LMTK2: variants seen among roughly 807,000 people sequenced by gnomAD.
The protein encoded by LMTK2 is lemur tail kinase 2.
A neutral mutation model predicts 127.5 loss-of-function variants in LMTK2; 37 were observed. The observed-to-expected ratio is 0.29, with a 90% CI of 0.22 to 0.38. The LOEUF (loss-of-function observed/expected upper bound fraction) is 0.38, where lower values mean the gene tolerates loss of function less well. Ranked by LOEUF, LMTK2 falls within the 10% of genes least tolerant of loss-of-function variation. The pLI is 1.00. For synonymous variants in LMTK2, 819 were observed against 810.1 expected, an observed-to-expected ratio of 1.01 and a Z score of -0.19; for missense variants, 1,694 against 1,920.3, an observed-to-expected ratio of 0.88 and a Z score of 2.20.
chr7:98,172,901 G>A (rs988754264), intron 7 of LMTK2, among the ~76,000 whole-genome samples: 1 of 152,156 alleles, frequency 6.6e-6, no homozygotes, highest in East Asian at 1.9e-4. Context: ...GGGGCTACAG[G>A]CACTTGCCAC....
rs1274419798 is a variant in LMTK2, at chr7:98,193,599, A to C, written c.3134A>C (p.His1045Pro). 3 of 1,613,886 alleles carry C rather than the reference A, an allele frequency of 1.9e-6. No individual in the cohort carries two copies. Among genetic ancestry groups the C allele is most frequent in the Non-Finnish European group, 1.7e-6 (2 of 1,180,028 alleles). Reference sequence around the variant, plus strand: ...TTGGAGTCTCCCGAGTGGACCTTGCATCCCGCTCCCGAGGGCACCGCAGAC... The same window carrying C: ...TTGGAGTCTCCCGAGTGGACCTTGCCTCCCGCTCCCGAGGGCACCGCAGAC... ...ENLESPEWTL[H>P]PAPEGTADSE... Residue 1045 changes from histidine to proline, a missense_variant, in exon 11 of 14, where the codon CAT (histidine) becomes CCT (proline). Transcript: ENST00000297293. This position sits in a 1 kb window ranked among gnomAD's most constrained non-coding sequence, Gnocchi z 4.1.
chr7:98,171,171 G>T lies in LMTK2; in HGVS notation c.658-370G>T, dbSNP rs150895589. ...GCGCTCACTGCCCAGGGGCCGCCTG[G>T]AGTCCATAGAACAGGCAGTGTGAGT... On this transcript the variant is annotated intron_variant, in intron 6 of 13. Coordinates refer to ENST00000297293, the MANE Select transcript of LMTK2 (RefSeq NM_014916.4). This position sits in a 1 kb window ranked among gnomAD's most constrained non-coding sequence, Gnocchi z 5.1. Among the ~76,000 whole-genome samples, 429 of 152,248 alleles carry T rather than the reference G, an allele frequency of 2.8e-3. 1 individual carries two copies. The highest frequency in any genetic ancestry group is 0.01 in the Middle Eastern group (3 of 294).
At chr7:98,128,371 G>A (rs1385176698) in intron 1 of LMTK2, among the ~76,000 whole-genome samples, 6 of 152,064 alleles carry the variant, frequency 3.9e-5, no homozygotes, top group Non-Finnish European at 7.4e-5. Context: ...GGATGCACAC[G>A]GAAGAAAGCC....
At position 98,206,761 on chromosome 7, in the gene LMTK2, G is replaced by A. The variant is rs1258277767; in HGVS notation, c.*1269G>A. 3.9e-5 allele frequency: 6 copies of A among 152,374 alleles called. No homozygotes were observed. The highest frequency in any genetic ancestry group is 1.9e-4 in the East Asian group (1 of 5,182). The allele number at this position is 152,374 out of a possible 1,614,324, so 9.4% of individuals were successfully genotyped here. On this transcript the variant is annotated 3_prime_UTR_variant, in exon 14 of 14. Transcript: ENST00000297293. Reference sequence around the variant, plus strand: ...TCTCCTCCGAGCCACTCCACGTCACGTCCAGCTGGGCCTGGCCAGTCTGTG... The same window carrying A: ...TCTCCTCCGAGCCACTCCACGTCACATCCAGCTGGGCCTGGCCAGTCTGTG...
Position 98,167,873 on chromosome 7 carries a change from C to T in LMTK2, c.658-3668C>T, listed in dbSNP as rs1475709806. Reference sequence around the variant, plus strand: ...GCCAGTGGGGGGGCCGAGGAAGGAGCGGCCAGTGGGATAAGAAGAAACGCA... The same window carrying T: ...GCCAGTGGGGGGGCCGAGGAAGGAGTGGCCAGTGGGATAAGAAGAAACGCA... On this transcript the variant is annotated intron_variant, in intron 6 of 13. Coordinates refer to ENST00000297293, the MANE Select transcript of LMTK2 (RefSeq NM_014916.4). Among the ~76,000 whole-genome samples, 12 of 152,170 alleles carry T rather than the reference C, an allele frequency of 7.9e-5. 1 individual carries two copies. The Middle Eastern group carries it at 0.01, about 129-fold the overall frequency.
chr7:98,182,239 T>C (rs1375188958), intron 7 of LMTK2, among the ~76,000 whole-genome samples: 4 of 152,154 alleles, frequency 2.6e-5, no homozygotes, highest in Non-Finnish European at 5.9e-5. Context: ...AACAACAACA[T>C]AGAAGACTAC....
chr7:98,169,434 T>G (rs1359241305), intron 6 of LMTK2, among the ~76,000 whole-genome samples: 1 of 152,244 alleles, frequency 6.6e-6, no homozygotes, highest in African/African-American at 2.4e-5. Flanking sequence ...GCGCTTCCTC[T>G]GCCTTCATGG....
intron 1 of LMTK2, among the ~76,000 whole-genome samples, chr7:98,115,679 T>C (rs918711305): frequency 6.6e-6 from 1 of 151,474 alleles, no homozygotes; most frequent in African/African-American, 2.4e-5. Flanking sequence ...CGGGCACTTA[T>C]AGTCCCAGCT....
chr7:98,186,302 C>A (rs1446689487), intron 8 of LMTK2, among the ~76,000 whole-genome samples: 1 of 152,104 alleles, frequency 6.6e-6, no homozygotes, highest in Non-Finnish European at 1.5e-5. Flanking sequence ...ACTTTGTGAT[C>A]CGCCCACCTC....
At chr7:98,109,353 A>G (rs1335169387) in intron 1 of LMTK2, among the ~76,000 whole-genome samples, 1 of 151,986 alleles carries the variant, frequency 6.6e-6, no homozygotes, top group African/African-American at 2.4e-5. Context: ...TTTGCTACAA[A>G]TTTTCCTTTC....
intron 1 of LMTK2, among the ~76,000 whole-genome samples, chr7:98,116,159 G>C (rs1390967191): frequency 1.3e-5 from 2 of 152,192 alleles, no homozygotes; most frequent in Non-Finnish European, 2.9e-5. Context: ...CTCCCACGGT[G>C]TTGGGATTAT....
chr7:98,187,443 A>G (rs532470862), intron 9 of LMTK2, among the ~76,000 whole-genome samples: 1 of 151,712 alleles, frequency 6.6e-6, no homozygotes, highest in African/African-American at 2.4e-5. Flanking sequence ...ATTTATAGCT[A>G]TGTTTTATGT....
chr7:98,190,746 T>C lies in LMTK2; in HGVS notation c.1017T>C (p.Leu339=), dbSNP rs150799700. The stretch of plus-strand genomic sequence containing the variant: ...CCAACAGGTCTCTGGGTGTGACACT[T>C]TGGGAGCTTTTTGACAATGCCGCAC... ...YSNIWSLGVT[L]WELFDNAAQP... The change falls in exon 10 of 14, where the codon CTT becomes CTC. Residue 339 remains leucine (L), a synonymous_variant. Transcript: ENST00000297293. The C allele has an allele frequency of 8.7e-6, 14 of 1,614,164 alleles. No individual in the cohort carries two copies. In the African/African-American group the frequency reaches 1.9e-4, roughly 22 times the overall value.
At chr7:98,140,153 T>TG (rs1562902769) in intron 2 of LMTK2, among the ~76,000 whole-genome samples, 2 of 5,102 alleles carry the variant, frequency 3.9e-4, no homozygotes, top group Non-Finnish European at 6.2e-4. Flanking sequence ...TTTTCTTTTC[T>TG]TTTCTTTTCT....
intron 1 of LMTK2, among the ~76,000 whole-genome samples, chr7:98,121,940 G>C (rs905012877): frequency 6.6e-5 from 10 of 152,052 alleles, no homozygotes; most frequent in Admixed American, 5.9e-4. Flanking sequence ...GAGAGGTCTA[G>C]GCTGTGTTCG....
At position 98,192,191 on chromosome 7, in the gene LMTK2, A is replaced by G. The variant is rs145690828; in HGVS notation, c.1726A>G (p.Met576Val). The G allele has an allele frequency of 2.4e-5, 37 of 1,524,298 alleles. No individual in the cohort carries two copies. The highest frequency in any genetic ancestry group is 3.2e-5 in the Non-Finnish European group (37 of 1,139,288). 94.4% of individuals were successfully genotyped at this position (1,524,298 alleles called of 1,614,324 possible). Residue 576 changes from methionine (M) to valine (V), a missense_variant, in exon 11 of 14, where the codon ATG (methionine) becomes GTG (valine). By Grantham distance (21) the Met-to-Val change is conservative (BLOSUM62 1). This residue lies in a region of LMTK2 where 527 missense variants were observed against 539.8 expected (regional missense o/e 0.98). Transcript: ENST00000297293. ...DYPPALLTTD[M>V]DNPERTGPEL... Reference sequence around the variant, plus strand: ...CCCACCAGCGCTGCTCACAACCGACATGGATAATCCAGAAAGGACTGGCCC... The same window carrying G: ...CCCACCAGCGCTGCTCACAACCGACGTGGATAATCCAGAAAGGACTGGCCC...
At chr7:98,108,680 G>A (rs959269804) in intron 1 of LMTK2, among the ~76,000 whole-genome samples, 2 of 152,104 alleles carry the variant, frequency 1.3e-5, no homozygotes, top group African/African-American at 4.8e-5. Context: ...GTGGAAGGAT[G>A]GTGATGTTGA....
rs771250772 is a variant in LMTK2, at chr7:98,205,477, C to T, written c.4497C>T (p.Asp1499=). 2.9e-5 allele frequency: 47 copies of T among 1,613,328 alleles called. No individual in the cohort carries two copies. Among genetic ancestry groups the T allele is most frequent in the Non-Finnish European group, 3.5e-5 (41 of 1,180,030 alleles). Residue 1499 remains aspartate, a synonymous_variant, in exon 14 of 14, where the codon GAC becomes GAT. Transcript: ENST00000297293. ...TCTCCTCAACAGGAAGCAGCGAAGA[C>T]GGAGAAAAGGACTAGGTGGCTGCCA... ...SDIEQGGSSE[D]GEKD
chr7:98,187,319 CTG>C (rs1482766946), intron 9 of LMTK2, among the ~76,000 whole-genome samples: 8 of 152,138 alleles, frequency 5.3e-5, no homozygotes, highest in Non-Finnish European at 1.2e-4. Context: ...AAAGAAGAAA[CTG>C]AAAGGGGTGT....
Sources: allele counts gnomAD v4.1 joint callset (sites outside exome capture counted in the v4.1 genomes callset), GRCh38; gene constraint gnomAD v4.1.1; regional missense constraint gnomAD v4.1.1; non-coding constraint Gnocchi (gnomAD v3.1); transcripts MANE v1.5; gene names NCBI Gene and HGNC (gene_info 2026-07-23, HGNC 2026-07-21).